Variants in FRMD6 observed in about 807,000 individuals in gnomAD.
FRMD6 encodes FERM domain containing 6.
A neutral mutation model predicts 73.2 loss-of-function variants in FRMD6; 37 were observed. The observed-to-expected ratio is 0.51, with a 90% CI of 0.39 to 0.66. FRMD6 has a LOEUF of 0.66. Ranked by LOEUF, FRMD6 falls within the 30% of genes least tolerant of loss-of-function variation. FRMD6 has a pLI of 0.00. For synonymous variants in FRMD6, 273 were observed against 282.2 expected (o/e 0.97, Z 0.33); for missense variants, 714 against 780.5 (o/e 0.91, Z 1.02).
the FRMD6 span, among the ~76,000 whole-genome samples, chr14:51,435,428 A>T: frequency 6.6e-6 from 1 of 152,012 alleles, no homozygotes; most frequent in South Asian, 2.1e-4. Context: ...TTAAAAAAAA[A>T]AAAAAAGAAA....
rs544739213 is a variant in FRMD6, at chr14:51,624,698, T to C, written c.-147+54288T>C. Reference sequence around the variant, plus strand: ...GTGTCATCTGGAGCTCCTTCATTTCTGGCCCCTGAAGCTCAGAGGGATGTT... The same window carrying C: ...GTGTCATCTGGAGCTCCTTCATTTCCGGCCCCTGAAGCTCAGAGGGATGTT... On this transcript the variant is annotated intron_variant, in intron 2 of 14. Transcript: ENST00000356218. Among the ~76,000 whole-genome samples, 12 of 152,358 alleles carry C rather than the reference T, an allele frequency of 7.9e-5. No homozygotes were observed. The South Asian group carries it at 2.5e-3, about 32-fold the overall frequency.
chr14:51,628,877 C>CTTTTTTTTTTTT (rs371915919), intron 2 of FRMD6, among the ~76,000 whole-genome samples: 40 of 95,296 alleles, frequency 4.2e-4, no homozygotes, highest in South Asian at 8.3e-4. Context: ...CTTTTCTTTT[C>CTTTTTTTTTTTT]TTTTTTTTTT....
chr14:51,407,961 A>G, the FRMD6 span, among the ~76,000 whole-genome samples: 2 of 152,168 alleles, frequency 1.3e-5, no homozygotes, highest in African/African-American at 2.4e-5. Context: ...CATAAACTCT[A>G]TAGCATTCCT....
intron 2 of FRMD6, among the ~76,000 whole-genome samples, chr14:51,594,907 G>A (rs1889626618): frequency 6.6e-6 from 1 of 152,256 alleles, no homozygotes. Context: ...AAAATTGGCT[G>A]CTTTGGATAT....
At chr14:51,705,379 T>C (rs1896566112) in intron 6 of FRMD6, among the ~76,000 whole-genome samples, 1 of 152,162 alleles carries the variant, frequency 6.6e-6, no homozygotes, top group South Asian at 2.1e-4. Context: ...AACTAACCCC[T>C]TCTTTCAGCA....
At chr14:51,444,359 G>A in the FRMD6 span, among the ~76,000 whole-genome samples, 1 of 152,206 alleles carries the variant, frequency 6.6e-6, no homozygotes, top group Non-Finnish European at 1.5e-5. Context: ...AGGACTACCT[G>A]GGTCTGGGAG....
chr14:51,423,677 C>G, the FRMD6 span, among the ~76,000 whole-genome samples: 2 of 152,208 alleles, frequency 1.3e-5, no homozygotes, highest in Non-Finnish European at 2.9e-5. Flanking sequence ...TGCAGCTTGT[C>G]CCTGTCATCT....
chr14:51,600,839 AC>A (rs1253296864), intron 2 of FRMD6, among the ~76,000 whole-genome samples: 1 of 152,278 alleles, frequency 6.6e-6, no homozygotes, highest in East Asian at 1.9e-4. Context: ...AGGAAGCCAG[AC>A]TAAGCAGAAC....
chr14:51,629,908 T>A (rs1385917878), intron 2 of FRMD6, among the ~76,000 whole-genome samples: 1 of 152,226 alleles, frequency 6.6e-6, no homozygotes, highest in East Asian at 1.9e-4. Flanking sequence ...TTCTGATTAT[T>A]CTTCTCCCAG....
chr14:51,573,314 G>A (rs967378184), intron 2 of FRMD6, among the ~76,000 whole-genome samples: 11 of 152,170 alleles, frequency 7.2e-5, no homozygotes, highest in Admixed American at 3.9e-4. Flanking sequence ...GTGACCTGGC[G>A]TTGGAATTCT....
upstream of FRMD6, among the ~76,000 whole-genome samples, chr14:51,648,613 T>C (rs1892185808): frequency 6.6e-6 from 1 of 152,192 alleles, no homozygotes; most frequent in Non-Finnish European, 1.5e-5. Context: ...TCACAGGGGA[T>C]GTTTGATGCT....
intron 1 of FRMD6, among the ~76,000 whole-genome samples, chr14:51,568,469 A>G (rs1268882609): frequency 1.3e-5 from 2 of 152,216 alleles, no homozygotes; most frequent in East Asian, 1.9e-4. Context: ...CTTTGTCCCT[A>G]TGTGGAAGTG....
intron 1 of FRMD6, among the ~76,000 whole-genome samples, chr14:51,678,041 A>G (rs1594715549): frequency 6.6e-6 from 1 of 152,102 alleles, no homozygotes; most frequent in East Asian, 1.9e-4. Context: ...TCTATTTATA[A>G]ATTTCGCTTA....
At chr14:51,664,788 C>T (rs1893457271) in intron 1 of FRMD6, among the ~76,000 whole-genome samples, 1 of 152,124 alleles carries the variant, frequency 6.6e-6, no homozygotes, top group African/African-American at 2.4e-5. Flanking sequence ...GTTTTATTCG[C>T]ATCATTTTGA....
the FRMD6 span, among the ~76,000 whole-genome samples, chr14:51,478,016 G>A: frequency 5.3e-5 from 8 of 152,140 alleles, no homozygotes; most frequent in Non-Finnish European, 1.2e-4. Flanking sequence ...AGGATTGCAG[G>A]TGTGAGCCAC....
chr14:51,562,037 C>T (rs1344344600), intron 1 of FRMD6, among the ~76,000 whole-genome samples: 2 of 152,168 alleles, frequency 1.3e-5, no homozygotes, highest in African/African-American at 4.8e-5. Flanking sequence ...AAGATTCCCA[C>T]CGTGGCTTTT....
At chr14:51,584,576 T>C (rs905241463) in intron 2 of FRMD6, among the ~76,000 whole-genome samples, 1 of 152,190 alleles carries the variant, frequency 6.6e-6, no homozygotes, top group African/African-American at 2.4e-5. Flanking sequence ...TATGGAACCT[T>C]GTGTAACATG....
chr14:51,514,849 AAAAC>A lies in FRMD6; in HGVS notation c.-210+25441_-210+25444del, dbSNP rs1338251286. Reference sequence around the variant, plus strand: ...GGCAACAGAGTGAGACTCTGTCTCAAAAACAAACAAACAAAAAAACTATGACGAC... The same window carrying A: ...GGCAACAGAGTGAGACTCTGTCTCAAAAACAAACAAAAAAACTATGACGAC... On this transcript the variant is annotated intron_variant, in intron 1 of 14. Transcript: ENST00000356218. Among the ~76,000 whole-genome samples the A allele has an allele frequency of 1.1e-4, 17 of 152,348 alleles. No homozygotes were observed. The East Asian group carries it at 2.9e-3, about 26-fold the overall frequency.
chr14:51,684,698 A>G (rs1895032505), intron 1 of FRMD6, among the ~76,000 whole-genome samples: 1 of 152,108 alleles, frequency 6.6e-6, no homozygotes, highest in African/African-American at 2.4e-5. Context: ...CTGCTGCTGA[A>G]CATCCTACAA....
Sources: gnomAD v4.1 joint callset for allele counts (sites outside exome capture counted in the v4.1 genomes callset) on GRCh38, gnomAD v4.1.1 for gene constraint, MANE v1.5 for transcripts, NCBI Gene and HGNC (gene_info 2026-07-23, HGNC 2026-07-21) for gene names.